Variants in IPPK observed in about 807,000 individuals in gnomAD.
IPPK encodes the protein IPK1 homolog.
In IPPK, 22 loss-of-function variants were observed where a neutral mutation model predicts 64.6. That is an observed-to-expected ratio of 0.34 (90% CI 0.24 to 0.49). The LOEUF (loss-of-function observed/expected upper bound fraction) is 0.49. IPPK is among the 20% of genes least tolerant of loss of function. The pLI is 0.99. For missense variants in IPPK, 532 were observed against 630.7 expected, an observed-to-expected ratio of 0.84 and a Z score of 1.68; for synonymous variants, 262 against 247.2, an observed-to-expected ratio of 1.06 and a Z score of -0.56.
At chr9:92,659,485 AT>A (rs1852437813) in intron 1 of IPPK, among the ~76,000 whole-genome samples, 1 of 152,206 alleles carries the variant, frequency 6.6e-6, no homozygotes. Context: ...CTTCTTTTTA[AT>A]TTATCTTTAT....
intron 8 of IPPK, among the ~76,000 whole-genome samples, chr9:92,640,270 C>T (rs1321473551): frequency 6.6e-6 from 1 of 152,154 alleles, no homozygotes; most frequent in Non-Finnish European, 1.5e-5. Context: ...GCAGCCTCTC[C>T]TCCGCAGATG....
chr9:92,649,871 C>T (rs1336537291), intron 4 of IPPK, among the ~76,000 whole-genome samples: 1 of 151,816 alleles, frequency 6.6e-6, no homozygotes, highest in Non-Finnish European at 1.5e-5. Flanking sequence ...ACTAAAAATA[C>T]AAAAATTAGC....
chr9:92,625,257 G>A (rs141164969), intron 11 of IPPK, among the ~76,000 whole-genome samples: 9 of 152,182 alleles, frequency 5.9e-5, no homozygotes, highest in African/African-American at 1.9e-4. Flanking sequence ...TCTAGTGTTC[G>A]CAAGGACATG....
chr9:92,641,684 G>A (rs142563898), intron 7 of IPPK, among the ~76,000 whole-genome samples: 104 of 152,268 alleles, frequency 6.8e-4, no homozygotes, highest in African/African-American at 2.3e-3. Context: ...ACAACTCCGC[G>A]TTCGATCTTT....
rs1201537474 is a variant in IPPK at position 92,619,413 on chromosome 9, C to T, written c.1250+73G>A. On this transcript the variant is annotated intron_variant, in intron 12 of 12. Coordinates refer to ENST00000287996, the MANE Select transcript of IPPK (RefSeq NM_022755.6). Reference sequence around the variant, plus strand: ...TCTAAATATGGGGAAACCAACTATCCTATTAACAATTCACCAACTGTCCAT... The same window carrying T: ...TCTAAATATGGGGAAACCAACTATCTTATTAACAATTCACCAACTGTCCAT... 1.6e-5 allele frequency: 19 copies of T among 1,217,394 alleles called. No homozygotes were observed. In the South Asian group the frequency reaches 2.2e-4, roughly 14 times the overall value. The allele number at this position is 1,217,394 out of a possible 1,614,324, so 75.4% of individuals were successfully genotyped here.
At chr9:92,646,687 G>A (rs1852156344) in intron 6 of IPPK, among the ~76,000 whole-genome samples, 2 of 152,164 alleles carry the variant, frequency 1.3e-5, no homozygotes, top group Admixed American at 1.3e-4. Flanking sequence ...GCCGGGCACG[G>A]TGGCTCACAC....
At chr9:92,640,852 T>G in intron 7 of IPPK, 70 bp from the exon 8 acceptor site, 1 of 1,093,400 alleles carries the variant, frequency 9.1e-7, no homozygotes, top group Admixed American at 1.7e-5. Context: ...ACACACCTGC[T>G]CGTGGCTCAG....
At chr9:92,668,647 A>G (rs1443309127) in intron 1 of IPPK, among the ~76,000 whole-genome samples, 7 of 152,248 alleles carry the variant, frequency 4.6e-5, no homozygotes, top group African/African-American at 1.7e-4. Context: ...CAACAACAAA[A>G]GGACTCACGC....
chr9:92,667,275 C>T (rs900133041), intron 1 of IPPK, among the ~76,000 whole-genome samples: 2 of 152,356 alleles, frequency 1.3e-5, no homozygotes, highest in South Asian at 2.1e-4. Flanking sequence ...GGAGGCTGGG[C>T]GCATGCTCAG....
chr9:92,627,923 GATC>G (rs1851763374), intron 11 of IPPK, among the ~76,000 whole-genome samples: 1 of 152,096 alleles, frequency 6.6e-6, no homozygotes, highest in African/African-American at 2.4e-5. Context: ...ACTCACACAT[GATC>G]TTAAATAGAG....
intron 1 of IPPK, among the ~76,000 whole-genome samples, chr9:92,666,777 C>T (rs1852606569): frequency 1.3e-5 from 2 of 152,344 alleles, no homozygotes; most frequent in Admixed American, 1.3e-4. Flanking sequence ...CTGTCAGGAA[C>T]ACCTTTAAAC....
intron 2 of IPPK, 39 bp from the exon 3 acceptor site, chr9:92,656,590 C>G: frequency 7.5e-7 from 1 of 1,341,022 alleles, no homozygotes; most frequent in Non-Finnish European, 1.1e-6. Context: ...CGTGATGGGA[C>G]CTCCCAACAG....
At chr9:92,616,235 C>T in intron 12 of IPPK, 178 bp from the exon 13 acceptor site, 2 of 560,102 alleles carry the variant, frequency 3.6e-6, no homozygotes, top group South Asian at 2.0e-5. Context: ...CACCCCAGCT[C>T]ACAAAGAGCA....
intron 11 of IPPK, among the ~76,000 whole-genome samples, chr9:92,621,247 T>C (rs2131418604): frequency 6.6e-6 from 1 of 152,188 alleles, no homozygotes; most frequent in East Asian, 1.9e-4. Context: ...ATTCAGACAG[T>C]AGCAGAGAGG....
intron 1 of IPPK, 30 bp from the exon 2 acceptor site, chr9:92,658,711 T>G: frequency 6.2e-7 from 1 of 1,609,028 alleles, no homozygotes; most frequent in Non-Finnish European, 8.5e-7. Context: ...ATCTGATTAG[T>G]ATTTGCTCAA....
intron 2 of IPPK, among the ~76,000 whole-genome samples, chr9:92,658,180 T>G (rs1564041048): frequency 6.6e-6 from 1 of 152,158 alleles, no homozygotes; most frequent in Non-Finnish European, 1.5e-5. Context: ...CCATGGCATT[T>G]TGCTTGGATG....
chr9:92,633,258 G>A (rs1587626182), intron 11 of IPPK, among the ~76,000 whole-genome samples: 2 of 151,456 alleles, frequency 1.3e-5, no homozygotes, highest in African/African-American at 2.4e-5. Flanking sequence ...TAATCCACCC[G>A]CCTCAGCCTC....
chr9:92,641,705 G>C (rs931763606), intron 7 of IPPK, among the ~76,000 whole-genome samples: 3 of 152,202 alleles, frequency 2.0e-5, no homozygotes, highest in Admixed American at 1.3e-4. Context: ...GTTCCCGGAA[G>C]TTTAAAAGAG....
At chr9:92,646,822 T>C (rs1012516135) in intron 6 of IPPK, among the ~76,000 whole-genome samples, 7 of 152,176 alleles carry the variant, frequency 4.6e-5, no homozygotes, top group African/African-American at 1.7e-4. Flanking sequence ...CCAGGCATGA[T>C]GGCGGGCGCC....
Sources: gnomAD v4.1 joint callset for allele counts (sites outside exome capture counted in the v4.1 genomes callset) on GRCh38, gnomAD v4.1.1 for gene constraint, MANE v1.5 for transcripts, NCBI Gene and HGNC (gene_info 2026-07-23, HGNC 2026-07-21) for gene names.